PALM2AKAP2: variants seen among roughly 807,000 people sequenced by gnomAD.
The protein encoded by PALM2AKAP2 is PALM2-AKAP2 fusion protein.
In PALM2AKAP2, 37 loss-of-function variants were observed where a neutral mutation model predicts 71.5. That is an observed-to-expected ratio of 0.52 (90% CI 0.40 to 0.68). PALM2AKAP2 has a LOEUF of 0.68. PALM2AKAP2 is among the 30% of genes least tolerant of loss of function. The pLI is 0.00. For synonymous variants in PALM2AKAP2, 468 were observed against 478.8 expected (o/e 0.98, Z 0.29); for missense variants, 1,224 against 1,191.8 (o/e 1.03, Z -0.40).
In PALM2AKAP2 at chr9:109,753,070, G is replaced by A. The variant is rs114841930; in HGVS notation, c.6-27418G>A. On this transcript the variant is annotated intron_variant, in intron 1 of 6. Coordinates refer to the PALM2AKAP2 transcript ENST00000374531. ...TCCCGCTTCCTCAAGATAATGATTGGTGAACCAAGATGCCACTTGGAGTTT... is the reference window on the plus strand; with the variant it reads ...TCCCGCTTCCTCAAGATAATGATTGATGAACCAAGATGCCACTTGGAGTTT... Among the ~76,000 whole-genome samples the A allele has an allele frequency of 2.3e-3, 353 of 152,240 alleles. 1 individual carries two copies. Among genetic ancestry groups the A allele is most frequent in the African/African-American group, 8.3e-3 (343 of 41,560 alleles).
intron 1 of PALM2AKAP2, among the ~76,000 whole-genome samples, chr9:109,843,974 A>G (rs559955752): frequency 1.4e-4 from 21 of 152,328 alleles, no homozygotes; most frequent in African/African-American, 4.8e-4. Context: ...ACCACACCCG[A>G]TTCTTTGGTT....
chr9:110,138,675 C>T (rs1835958161), intron 2 of PALM2AKAP2, 136 bp downstream of exon 8: 6 of 1,429,654 alleles, frequency 4.2e-6, no homozygotes, highest in Non-Finnish European at 5.5e-6. Flanking sequence ...CATGAGAATT[C>T]CAGCATACAG....
chr9:110,019,323 G>C (rs1004507315), intron 7 of PALM2AKAP2, among the ~76,000 whole-genome samples: 2 of 151,882 alleles, frequency 1.3e-5, no homozygotes, highest in Non-Finnish European at 2.9e-5. Context: ...AACAGATGTT[G>C]GTGAGGATGC....
intron 6 of PALM2AKAP2, among the ~76,000 whole-genome samples, chr9:109,935,293 A>G (rs1361129385): frequency 6.6e-6 from 1 of 152,142 alleles, no homozygotes; most frequent in African/African-American, 2.4e-5. Flanking sequence ...ATTATTTTTT[A>G]TCATCTCATT....
In PALM2AKAP2 at chr9:110,053,938, G is replaced by C. The variant is rs74627745; in HGVS notation, c.156+5083G>C. On this transcript the variant is annotated intron_variant, in intron 1 of 3. Coordinates refer to ENST00000374525, the Ensembl canonical transcript of PALM2AKAP2. The stretch of plus-strand genomic sequence containing the variant: ...GGGCAGGGGCTTTGTGGTTGTTTTT[G>C]ATGCCTGATTGGAGCAGATGGGGTG... 6.4e-3 allele frequency among the ~76,000 whole-genome samples: 976 copies of C among 152,322 alleles called. 12 individuals are homozygous for C. The highest frequency in any genetic ancestry group is 0.046 in the South Asian group (221 of 4,820).
intron 1 of PALM2AKAP2, among the ~76,000 whole-genome samples, chr9:110,050,168 T>A (rs1833682647): frequency 6.6e-6 from 1 of 152,232 alleles, no homozygotes; most frequent in Non-Finnish European, 1.5e-5. Context: ...CTTCACCTAC[T>A]CATACGTCTA....
chr9:109,900,048 TA>T (rs1321196310), intron 3 of PALM2AKAP2, among the ~76,000 whole-genome samples: 2 of 152,154 alleles, frequency 1.3e-5, no homozygotes, highest in African/African-American at 2.4e-5. Flanking sequence ...CATATTTACA[TA>T]AAGAAAGAAA....
chr9:110,001,389 CA>C (rs1333444550), intron 6 of PALM2AKAP2, among the ~76,000 whole-genome samples: 1 of 152,126 alleles, frequency 6.6e-6, no homozygotes, highest in Non-Finnish European at 1.5e-5. Flanking sequence ...GTTTTGGTAC[CA>C]GTACCATGCT....
At chr9:110,066,696 C>T (rs1834086763) in intron 1 of PALM2AKAP2, among the ~76,000 whole-genome samples, 1 of 141,262 alleles carries the variant, frequency 7.1e-6, no homozygotes, top group Non-Finnish European at 1.5e-5. Flanking sequence ...AAGACATTGT[C>T]TCTTAAAAAA....
At chr9:109,998,764 C>CAAA (rs766171217) in intron 6 of PALM2AKAP2, among the ~76,000 whole-genome samples, 5 of 70,772 alleles carry the variant, frequency 7.1e-5, no homozygotes, top group African/African-American at 1.7e-4. Flanking sequence ...GACCCTGTCG[C>CAAA]AAAAAAAAAA....
At chr9:109,717,300 T>G in intron 1 of PALM2AKAP2, among the ~76,000 whole-genome samples, 1 of 151,892 alleles carries the variant, frequency 6.6e-6, no homozygotes, top group East Asian at 1.9e-4. Context: ...AGGGGTGGAG[T>G]TGAGGCAGTT....
chr9:110,076,986 C>T (rs1834338054), intron 1 of PALM2AKAP2, among the ~76,000 whole-genome samples: 1 of 152,184 alleles, frequency 6.6e-6, no homozygotes, highest in African/African-American at 2.4e-5. Context: ...GTGGTAGGCC[C>T]AGGACCGGCG....
intron 1 of PALM2AKAP2, among the ~76,000 whole-genome samples, chr9:109,781,353 C>T (rs1829446083): frequency 2.0e-5 from 3 of 152,134 alleles, no homozygotes; most frequent in South Asian, 4.1e-4. Context: ...TATATATTTC[C>T]TTCGAGGATG....
At chr9:109,879,445 A>G (rs1191060853) in intron 2 of PALM2AKAP2, among the ~76,000 whole-genome samples, 1 of 152,216 alleles carries the variant, frequency 6.6e-6, no homozygotes, top group Non-Finnish European at 1.5e-5. Flanking sequence ...GTCCTTAGCC[A>G]TGATGTACAG....
intron 3 of PALM2AKAP2, among the ~76,000 whole-genome samples, chr9:109,922,936 T>C (rs1830869108): frequency 6.6e-6 from 1 of 152,234 alleles, no homozygotes; most frequent in South Asian, 2.1e-4. Flanking sequence ...CACAGGGTCA[T>C]TGGGAAGTTT....
At chr9:109,935,487 G>T (rs1243015977) in intron 6 of PALM2AKAP2, among the ~76,000 whole-genome samples, 1 of 152,186 alleles carries the variant, frequency 6.6e-6, no homozygotes, top group African/African-American at 2.4e-5. Context: ...AAGGGATTTT[G>T]TGATAATCCA....
At chr9:110,128,225 T>C (rs1835658644) in intron 1 of PALM2AKAP2, among the ~76,000 whole-genome samples, 1 of 152,208 alleles carries the variant, frequency 6.6e-6, no homozygotes, top group Non-Finnish European at 1.5e-5. Flanking sequence ...CCTTCTGCAT[T>C]TGCCTTCATG....
chr9:110,087,143 C>T lies in PALM2AKAP2; in HGVS notation c.156+38288C>T, dbSNP rs552626490. 2.4e-4 allele frequency among the ~76,000 whole-genome samples: 36 copies of T among 152,338 alleles called. 1 individual carries two copies. The South Asian group carries it at 3.7e-3, about 16-fold the overall frequency. ...CTCTCCACCATGCTGGTCCTTCTCTCTAACATGGCTAACTCTACCCCACTT... is the reference window on the plus strand; with the variant it reads ...CTCTCCACCATGCTGGTCCTTCTCTTTAACATGGCTAACTCTACCCCACTT... On this transcript the variant is annotated intron_variant, in intron 1 of 3. Coordinates refer to ENST00000374525, the Ensembl canonical transcript of PALM2AKAP2.
At chr9:109,843,663 T>G (rs1412757414) in intron 1 of PALM2AKAP2, among the ~76,000 whole-genome samples, 1 of 152,198 alleles carries the variant, frequency 6.6e-6, no homozygotes, top group Admixed American at 6.5e-5. Flanking sequence ...TCCATCCTCT[T>G]TCTCCCTGGA....
Sources: allele counts gnomAD v4.1 joint callset (sites outside exome capture counted in the v4.1 genomes callset), GRCh38; gene constraint gnomAD v4.1.1; transcripts MANE v1.5; gene names NCBI Gene and HGNC (gene_info 2026-07-23, HGNC 2026-07-21).